NEGR1: variants seen among roughly 807,000 people sequenced by gnomAD.
The protein encoded by NEGR1 is neuronal growth regulator 1, also known as IgLON family member 4.
Under a neutral mutation model 40.9 loss-of-function variants are expected in NEGR1, and 10 were observed. That is an observed-to-expected ratio of 0.24 (90% CI 0.15 to 0.42). The LOEUF (loss-of-function observed/expected upper bound fraction) is 0.42. Among genes scored for constraint, NEGR1 ranks in the 10% least tolerant of loss-of-function variants. The pLI is 1.00. For missense variants in NEGR1, 352 were observed against 438.9 expected (o/e 0.80, Z 1.77); for synonymous variants, 185 against 166.8 (o/e 1.11, Z -0.84).
intron 3 of NEGR1, among the ~76,000 whole-genome samples, chr1:71,733,702 A>G (rs989665874): frequency 6.6e-6 from 1 of 152,188 alleles, no homozygotes; most frequent in Admixed American, 6.6e-5. Flanking sequence ...AAAGTTAAAT[A>G]CTGGCAAATT....
intron 2 of NEGR1, among the ~76,000 whole-genome samples, chr1:71,819,359 A>G (rs1658343346): frequency 6.6e-6 from 1 of 151,948 alleles, no homozygotes; most frequent in Admixed American, 6.6e-5. Flanking sequence ...AAGTAGTAAC[A>G]TAAAAATAAA....
chr1:72,137,992 C>A (rs867708186), intron 1 of NEGR1, among the ~76,000 whole-genome samples: 12 of 151,930 alleles, frequency 7.9e-5, no homozygotes, highest in Non-Finnish European at 1.0e-4. Flanking sequence ...ATTAAGAGTT[C>A]TTCAGACACA....
intron 6 of NEGR1, among the ~76,000 whole-genome samples, chr1:71,420,861 A>G (rs1646389506): frequency 6.6e-6 from 1 of 152,070 alleles, no homozygotes. Context: ...TCTAAATATA[A>G]TATGATCAAA....
chr1:72,202,112 A>G (rs1336770746), intron 1 of NEGR1, among the ~76,000 whole-genome samples: 1 of 151,902 alleles, frequency 6.6e-6, no homozygotes, highest in Non-Finnish European at 1.5e-5. Context: ...TTATCATTAT[A>G]TCTGTTACAG....
chr1:72,251,336 C>T lies in NEGR1; in HGVS notation c.176+30983G>A, dbSNP rs563144998. ...ATGTATTATGTAGATATTTTTCCAA[C>T]GAATCATATCCATTACAAAAATTAA... is the stretch of plus-strand genomic sequence containing the variant. On this transcript the variant is annotated intron_variant, in intron 1 of 6. Coordinates refer to ENST00000357731, the MANE Select transcript of NEGR1 (RefSeq NM_173808.3). 1.6e-4 allele frequency among the ~76,000 whole-genome samples: 25 copies of T among 152,106 alleles called. No individual in the cohort carries two copies. In the South Asian group the frequency reaches 4.0e-3, roughly 24 times the overall value.
intron 1 of NEGR1, among the ~76,000 whole-genome samples, chr1:72,172,149 T>C (rs1651986576): frequency 6.6e-6 from 1 of 152,186 alleles, no homozygotes; most frequent in African/African-American, 2.4e-5. Context: ...AATGATGCAG[T>C]ATTTTCATTT....
intron 1 of NEGR1, among the ~76,000 whole-genome samples, chr1:72,268,174 T>C (rs548451489): frequency 6.6e-6 from 1 of 151,476 alleles, no homozygotes; most frequent in Non-Finnish European, 1.5e-5. Flanking sequence ...TAACTAAATT[T>C]TTCTGGCCAT....
chr1:72,007,971 G>A (rs1399642762), intron 1 of NEGR1, among the ~76,000 whole-genome samples: 1 of 152,094 alleles, frequency 6.6e-6, no homozygotes. Flanking sequence ...AGAAGTATTA[G>A]AAGACATATA....
intron 2 of NEGR1, among the ~76,000 whole-genome samples, chr1:71,912,366 C>A (rs891730042): frequency 6.6e-6 from 1 of 152,062 alleles, no homozygotes; most frequent in African/African-American, 2.4e-5. Context: ...TTATAATAAC[C>A]CTCGTTATTA....
At chr1:72,039,426 G>A (rs1646932718) in intron 1 of NEGR1, among the ~76,000 whole-genome samples, 1 of 151,948 alleles carries the variant, frequency 6.6e-6, no homozygotes, top group Non-Finnish European at 1.5e-5. Context: ...CAATAGACAA[G>A]TAAGCAGGAG....
At chr1:72,061,064 C>G (rs548772569) in intron 1 of NEGR1, among the ~76,000 whole-genome samples, 43 of 151,626 alleles carry the variant, frequency 2.8e-4, no homozygotes, top group Non-Finnish European at 5.9e-4. Flanking sequence ...GATTTCCTCA[C>G]TCAGGGCTAG....
chr1:71,558,693 T>A (rs1294682239), intron 6 of NEGR1, among the ~76,000 whole-genome samples: 2 of 150,864 alleles, frequency 1.3e-5, no homozygotes. Context: ...TGTGTCCTTC[T>A]GACATGCACC....
At chr1:71,876,140 A>G (rs1245659652) in intron 2 of NEGR1, among the ~76,000 whole-genome samples, 1 of 152,146 alleles carries the variant, frequency 6.6e-6, no homozygotes, top group Non-Finnish European at 1.5e-5. Context: ...TTTTTAACAT[A>G]TTAACTCTAA....
intron 2 of NEGR1, among the ~76,000 whole-genome samples, chr1:71,844,051 A>AGTGTCACAT (rs1406288212): frequency 3.9e-5 from 6 of 152,284 alleles, no homozygotes; most frequent in African/African-American, 1.4e-4. Flanking sequence ...CCCAATGATA[A>AGTGTCACAT]GTGTCACATC....
chr1:71,790,824 T>C (rs1348692106), intron 2 of NEGR1, among the ~76,000 whole-genome samples: 1 of 152,094 alleles, frequency 6.6e-6, no homozygotes, highest in African/African-American at 2.4e-5. Context: ...TTTGCTGCAC[T>C]ACATACCTTT....
intron 1 of NEGR1, among the ~76,000 whole-genome samples, chr1:72,118,790 C>A (rs1046940627): frequency 6.6e-6 from 1 of 151,638 alleles, no homozygotes; most frequent in East Asian, 1.9e-4. Flanking sequence ...TAAATAACTT[C>A]TATAAATAAA....
At chr1:71,408,052 TCAAA>T (rs1569836346) in intron 6 of NEGR1, among the ~76,000 whole-genome samples, 1 of 152,036 alleles carries the variant, frequency 6.6e-6, no homozygotes, top group African/African-American at 2.4e-5. Context: ...GAAAAGATCT[TCAAA>T]CAATTATAAT....
intron 1 of NEGR1, among the ~76,000 whole-genome samples, chr1:71,963,911 C>T (rs1316508316): frequency 1.3e-5 from 2 of 152,034 alleles, no homozygotes; most frequent in East Asian, 1.9e-4. Flanking sequence ...TTGTAAATCT[C>T]GGGTGATTAA....
At position 72,115,701 on chromosome 1, in the gene NEGR1, T is replaced by C. The variant is rs150216440; in HGVS notation, c.176+166618A>G. On this transcript the variant is annotated intron_variant, in intron 1 of 6. Transcript: ENST00000357731. ...GAGCTCTCCAGGTATTTAGTGGGTATACGGGAAGTACCCTGGTGACAATAC... is the reference window on the plus strand; with the variant it reads ...GAGCTCTCCAGGTATTTAGTGGGTACACGGGAAGTACCCTGGTGACAATAC... Among the ~76,000 whole-genome samples the C allele has an allele frequency of 1.1e-3, 163 of 151,796 alleles. 2 individuals are homozygous for C. In the East Asian group the frequency reaches 0.03, roughly 28 times the overall value.
Sources: allele counts gnomAD v4.1 joint callset (sites outside exome capture counted in the v4.1 genomes callset), GRCh38; gene constraint gnomAD v4.1.1; transcripts MANE v1.5; gene names NCBI Gene and HGNC (gene_info 2026-07-23, HGNC 2026-07-21).